The following COG6 variants were observed in gnomAD, a reference collection of about 807,000 sequenced individuals.
COG6 encodes conserved oligomeric Golgi complex subunit 6.
A neutral mutation model predicts 88.8 loss-of-function variants in COG6; 74 were observed. That is an observed-to-expected ratio of 0.83 (90% CI 0.69 to 1.01). The LOEUF is 1.01. COG6 is among the 50% of genes least tolerant of loss of function. The probability of loss-of-function intolerance (pLI) is 0.00; values close to 1 mark genes in which losing one functional copy is unlikely to be tolerated. For synonymous variants in COG6, 286 were observed against 278.7 expected, an observed-to-expected ratio of 1.03 and a Z score of -0.26; for missense variants, 800 against 797.9, an observed-to-expected ratio of 1.00 and a Z score of -0.03.
intron 18 of COG6, among the ~76,000 whole-genome samples, chr13:39,769,309 G>A (rs1008668662): frequency 6.6e-6 from 1 of 152,194 alleles, no homozygotes; most frequent in Non-Finnish European, 1.5e-5. Flanking sequence ...GTTTTTCAGA[G>A]TGGTTGAACC....
At chr13:39,665,930 A>G (rs1875230017) in intron 4 of COG6, among the ~76,000 whole-genome samples, 1 of 152,206 alleles carries the variant, frequency 6.6e-6, no homozygotes, top group Non-Finnish European at 1.5e-5. Context: ...ATCCAGCTCA[A>G]CACCTGCTTT....
At chr13:39,773,125 C>T (rs571057688) in intron 18 of COG6, among the ~76,000 whole-genome samples, 42 of 152,342 alleles carry the variant, frequency 2.8e-4, no homozygotes, top group African/African-American at 8.9e-4. Flanking sequence ...ACTCCTCTTA[C>T]CTCTCCACCT....
intron 5 of COG6, among the ~76,000 whole-genome samples, chr13:39,679,049 A>G (rs571524407): frequency 3.0e-4 from 46 of 152,222 alleles, no homozygotes; most frequent in African/African-American, 1.1e-3. Flanking sequence ...ATATCAATCA[A>G]CAGTTTGGCA....
intron 18 of COG6, among the ~76,000 whole-genome samples, chr13:39,769,656 T>G (rs1399686576): frequency 6.6e-6 from 1 of 152,196 alleles, no homozygotes; most frequent in Non-Finnish European, 1.5e-5. Flanking sequence ...ACAGTACTGC[T>G]ATAGTCTGAA....
chr13:39,692,780 G>T (rs185470471), intron 11 of COG6, among the ~76,000 whole-genome samples: 1 of 151,930 alleles, frequency 6.6e-6, no homozygotes, highest in East Asian at 1.9e-4. Context: ...TAATATCTCT[G>T]CCTTTATGGT....
At chr13:39,705,430 C>T (rs1314466194) in intron 13 of COG6, among the ~76,000 whole-genome samples, 1 of 152,068 alleles carries the variant, frequency 6.6e-6, no homozygotes, top group Non-Finnish European at 1.5e-5. Context: ...ATCAAGCTCT[C>T]CTGAAATATT....
chr13:39,732,517 A>T (rs1593459460), intron 18 of COG6, among the ~76,000 whole-genome samples: 1 of 152,368 alleles, frequency 6.6e-6, no homozygotes. Context: ...GCTGTTAAAA[A>T]TATGTTCAAG....
chr13:39,757,612 C>T (rs955462791), downstream of COG6, among the ~76,000 whole-genome samples: 3 of 150,084 alleles, frequency 2.0e-5, no homozygotes, highest in African/African-American at 7.3e-5. Context: ...TGAAACGGGA[C>T]ATTACTGAAC....
intron 18 of COG6, among the ~76,000 whole-genome samples, chr13:39,741,485 A>T (rs1880039758): frequency 6.6e-6 from 1 of 152,234 alleles, no homozygotes; most frequent in Non-Finnish European, 1.5e-5. Flanking sequence ...AGTCGATTTG[A>T]TCAAGTGGAA....
intron 18 of COG6, among the ~76,000 whole-genome samples, chr13:39,750,607 A>G (rs1268203925): frequency 6.6e-6 from 1 of 152,208 alleles, no homozygotes; most frequent in Non-Finnish European, 1.5e-5. Context: ...TGCAAAATCA[A>G]TACATTGACA....
intron 18 of COG6, among the ~76,000 whole-genome samples, chr13:39,768,854 C>A (rs533814041): frequency 2.6e-5 from 4 of 152,224 alleles, no homozygotes; most frequent in African/African-American, 7.2e-5. Flanking sequence ...TCCCACCCCC[C>A]GCCTACCATC....
At chr13:39,737,206 G>A (rs1468725202) in intron 18 of COG6, among the ~76,000 whole-genome samples, 1 of 152,124 alleles carries the variant, frequency 6.6e-6, no homozygotes, top group African/African-American at 2.4e-5. Flanking sequence ...CCTCGGAGCT[G>A]GGGGAGTGGT....
intron 18 of COG6, 84 bp from the exon 19 acceptor site, chr13:39,750,862 A>T (rs934063506): frequency 1.0e-6 from 1 of 991,762 alleles, no homozygotes; most frequent in East Asian, 2.6e-5. Flanking sequence ...AAATGTGTTG[A>T]TTGAAGTGTC....
At chr13:39,705,483 A>G (rs1483102480) in intron 13 of COG6, among the ~76,000 whole-genome samples, 1 of 152,092 alleles carries the variant, frequency 6.6e-6, no homozygotes, top group Admixed American at 6.6e-5. Flanking sequence ...ATATGCATCT[A>G]TACTGCAAAA....
At position 39,710,569 on chromosome 13, in the gene COG6, G is replaced by A. The variant is rs778213518; in HGVS notation, c.1285-8667G>A. Among the ~76,000 whole-genome samples, 5 of 152,130 alleles carry A rather than the reference G, an allele frequency of 3.3e-5. No individual in the cohort carries two copies. The South Asian group carries it at 6.2e-4, about 19-fold the overall frequency. On this transcript the variant is annotated intron_variant, in intron 13 of 18. Transcript: ENST00000455146. ...TAGAGTAGTAGCATAGGATGATTTG[G>A]ATCATTTGCATTTGGAATATATTTT...
At chr13:39,665,176 C>T (rs1416689874) in intron 4 of COG6, 22 bp downstream of exon 4, 1 of 1,313,208 alleles carries the variant, frequency 7.6e-7, no homozygotes, top group Admixed American at 1.7e-5. Flanking sequence ...TTCATACAAC[C>T]ACCTTTTCAA....
chr13:39,723,464 T>C, intron 16 of COG6, 24 bp downstream of exon 16: 1 of 1,333,750 alleles, frequency 7.5e-7, no homozygotes, highest in Non-Finnish European at 1.1e-6. Context: ...TGTTCCTTCC[T>C]AATTCTAAGA....
At chr13:39,742,848 T>C (rs1439446508) in intron 18 of COG6, among the ~76,000 whole-genome samples, 1 of 152,106 alleles carries the variant, frequency 6.6e-6, no homozygotes, top group Non-Finnish European at 1.5e-5. Context: ...GACCACATAG[T>C]TCGAAGTAAA....
chr13:39,780,882 C>T (rs1255385595), intron 18 of COG6, among the ~76,000 whole-genome samples: 2 of 152,158 alleles, frequency 1.3e-5, no homozygotes, highest in Non-Finnish European at 2.9e-5. Flanking sequence ...TGCACAGATG[C>T]GTGGCTGTGA....
Sources: allele counts gnomAD v4.1 joint callset (sites outside exome capture counted in the v4.1 genomes callset), GRCh38; gene constraint gnomAD v4.1.1; transcripts MANE v1.5; gene names NCBI Gene and HGNC (gene_info 2026-07-23, HGNC 2026-07-21).